The following PTPN13 variants were observed in gnomAD, a reference collection of about 807,000 sequenced individuals.
PTPN13 encodes protein tyrosine phosphatase non-receptor type 13, also known as tyrosine-protein phosphatase non-receptor type 13.
In PTPN13, 191 loss-of-function variants were observed where a neutral mutation model predicts 284.0. The observed-to-expected ratio is 0.67, with a 90% CI of 0.60 to 0.76. The LOEUF is 0.76. PTPN13 is among the 30% of genes least tolerant of loss of function. The pLI is 0.00. For missense variants in PTPN13, 2,797 were observed against 2,939.9 expected, an observed-to-expected ratio of 0.95 and a Z score of 1.12; for synonymous variants, 986 against 1,022.3, an observed-to-expected ratio of 0.96 and a Z score of 0.68.
intron 9 of PTPN13, among the ~76,000 whole-genome samples, chr4:86,721,473 A>T (rs141380898): frequency 6.6e-6 from 1 of 152,154 alleles, no homozygotes; most frequent in Non-Finnish European, 1.5e-5. Context: ...ATATACTGCC[A>T]TATAATGATG....
chr4:86,769,468 A>G (rs1739729635), intron 28 of PTPN13, among the ~76,000 whole-genome samples: 1 of 152,114 alleles, frequency 6.6e-6, no homozygotes, highest in South Asian at 2.1e-4. Flanking sequence ...GCCTGACCAT[A>G]GTGTCTTTTA....
intron 32 of PTPN13, among the ~76,000 whole-genome samples, chr4:86,773,321 A>C (rs1740213135): frequency 6.6e-6 from 1 of 152,238 alleles, no homozygotes; most frequent in Non-Finnish European, 1.5e-5. Context: ...TATCTGCTAC[A>C]GAGTAGACCC....
chr4:86,682,825 C>T (rs1320725675), intron 3 of PTPN13, among the ~76,000 whole-genome samples: 1 of 152,276 alleles, frequency 6.6e-6, no homozygotes, highest in African/African-American at 2.4e-5. Context: ...AAGCATCATG[C>T]ACTTACCCTG....
At chr4:86,776,106 A>G (rs1185853845) in intron 35 of PTPN13, among the ~76,000 whole-genome samples, 1 of 151,988 alleles carries the variant, frequency 6.6e-6, no homozygotes, top group East Asian at 1.9e-4. Context: ...CCACCACGCC[A>G]GGCTAATTTT....
chr4:86,791,834 CA>C (rs1742712101), intron 40 of PTPN13, among the ~76,000 whole-genome samples: 1 of 152,100 alleles, frequency 6.6e-6, no homozygotes, highest in Non-Finnish European at 1.5e-5. Context: ...ACATCCACAC[CA>C]AAACCCTATC....
chr4:86,697,175 G>C (rs984770755), intron 6 of PTPN13, among the ~76,000 whole-genome samples: 19 of 152,020 alleles, frequency 1.2e-4, no homozygotes, highest in African/African-American at 4.3e-4. Flanking sequence ...AACTGTCAGT[G>C]GTCAATTGCA....
intron 43 of PTPN13, among the ~76,000 whole-genome samples, chr4:86,804,759 C>T (rs190035226): frequency 7.2e-5 from 11 of 152,302 alleles, no homozygotes; most frequent in African/African-American, 2.4e-4. Context: ...TCTTGCTCAC[C>T]ACTGTATTCC....
chr4:86,642,570 A>G (rs1034590729), intron 2 of PTPN13, among the ~76,000 whole-genome samples: 1 of 143,006 alleles, frequency 7.0e-6, no homozygotes, highest in Non-Finnish European at 1.5e-5. Flanking sequence ...TTCGTGTTTC[A>G]GCCTCCTGAG....
At chr4:86,741,600 A>G in intron 15 of PTPN13, 34 bp from the exon 16 acceptor site, 1 of 1,567,992 alleles carries the variant, frequency 6.4e-7, no homozygotes. Context: ...CATTTACCAA[A>G]GTGTATTGCT....
chr4:86,632,116 C>G (rs953673800), intron 1 of PTPN13, among the ~76,000 whole-genome samples: 3 of 152,106 alleles, frequency 2.0e-5, no homozygotes, highest in African/African-American at 7.2e-5. Context: ...ATAATTCCCT[C>G]CTTGCCCTTT....
At chr4:86,613,692 C>G (rs1720210220) in intron 1 of PTPN13, among the ~76,000 whole-genome samples, 1 of 151,058 alleles carries the variant, frequency 6.6e-6, no homozygotes. Flanking sequence ...AATCAAAGTT[C>G]TCAGATGCCA....
intron 2 of PTPN13, among the ~76,000 whole-genome samples, chr4:86,657,725 T>G (rs1415962286): frequency 2.0e-5 from 3 of 152,164 alleles, no homozygotes; most frequent in Admixed American, 1.3e-4. Context: ...GTCTCTTCCA[T>G]CAGGACAGTG....
intron 4 of PTPN13, among the ~76,000 whole-genome samples, chr4:86,688,248 G>A (rs1038198616): frequency 6.6e-6 from 1 of 152,090 alleles, no homozygotes. Flanking sequence ...AGACCAAAGT[G>A]GATATACCAG....
At chr4:86,628,528 T>A (rs1465070494) in intron 1 of PTPN13, among the ~76,000 whole-genome samples, 1 of 145,566 alleles carries the variant, frequency 6.9e-6, no homozygotes, top group Non-Finnish European at 1.5e-5. Context: ...ATACTCTAAG[T>A]TTTAGGGTAC....
At chr4:86,800,633 T>C (rs1238628462) in intron 42 of PTPN13, among the ~76,000 whole-genome samples, 1 of 141,950 alleles carries the variant, frequency 7.0e-6, no homozygotes. Flanking sequence ...GCCTGGGTGA[T>C]AGAGTGAGAT....
chr4:86,753,096 TC>T, intron 20 of PTPN13, 31 bp downstream of exon 20: 1 of 1,532,872 alleles, frequency 6.5e-7, no homozygotes. Context: ...TCCCCTCATT[TC>T]CATCATTTCT....
chr4:86,712,120 A>G (rs953442629), intron 7 of PTPN13, among the ~76,000 whole-genome samples: 1 of 152,040 alleles, frequency 6.6e-6, no homozygotes, highest in African/African-American at 2.4e-5. Context: ...TTTGAAAATC[A>G]CCCGATTAAT....
intron 10 of PTPN13, among the ~76,000 whole-genome samples, chr4:86,731,464 T>G (rs2149126100): frequency 6.6e-6 from 1 of 152,332 alleles, no homozygotes; most frequent in East Asian, 1.9e-4. Context: ...AATATTTTCT[T>G]GCTGGGGACA....
At chr4:86,786,632 C>G (rs1741947643) in intron 40 of PTPN13, among the ~76,000 whole-genome samples, 3 of 152,030 alleles carry the variant, frequency 2.0e-5, no homozygotes, top group Non-Finnish European at 4.4e-5. Flanking sequence ...TTCATATAAT[C>G]AGAATATTAA....
Sources: allele counts gnomAD v4.1 joint callset (sites outside exome capture counted in the v4.1 genomes callset), GRCh38; gene constraint gnomAD v4.1.1; transcripts MANE v1.5; gene names NCBI Gene and HGNC (gene_info 2026-07-23, HGNC 2026-07-21).